The following CLN6 variants were observed in gnomAD, a reference collection of about 807,000 sequenced individuals.
The protein encoded by CLN6 is CLN6 transmembrane ER protein.
A neutral mutation model predicts 33.3 loss-of-function variants in CLN6; 22 were observed. That is an observed-to-expected ratio of 0.66 (90% CI 0.47 to 0.94). CLN6 has a LOEUF of 0.94. Among genes scored for constraint, CLN6 ranks in the 40% least tolerant of loss-of-function variants. The probability of loss-of-function intolerance (pLI) is 0.00; values close to 1 mark genes in which losing one functional copy is unlikely to be tolerated. For synonymous variants in CLN6, 201 were observed against 174.6 expected (o/e 1.15, Z -1.19); for missense variants, 387 against 417.1 (o/e 0.93, Z 0.63).
chr15:68,223,488 C>T (rs1472081833), intron 1 of CLN6, among the ~76,000 whole-genome samples: 1 of 152,114 alleles, frequency 6.6e-6, no homozygotes, highest in East Asian at 1.9e-4. Flanking sequence ...ACCTCCAGGC[C>T]CAGAGAACTT....
upstream of CLN6, among the ~76,000 whole-genome samples, chr15:68,234,353 G>A (rs1411220062): frequency 2.6e-5 from 4 of 152,200 alleles, no homozygotes; most frequent in Admixed American, 2.0e-4. The surrounding 1 kb of genome is among the most constrained non-coding windows in gnomAD (Gnocchi z 4.1). Context: ...ATTCTGATTG[G>A]ATGGCTTGAG....
chr15:68,208,092 T>TGGG lies in CLN6; in HGVS notation c.*47_*48insCCC. ...TACTCCTGTATTCAGATGCCCTCCA[T>TGGG]GGCCCACCCTCCCACCCAGCAGAGC... On this transcript the variant is annotated 3_prime_UTR_variant, in exon 7 of 7. Transcript: ENST00000249806. This position sits in a 1 kb window ranked among gnomAD's most constrained non-coding sequence, Gnocchi z 5.8. 1.2e-5 allele frequency: 18 copies of TGGG among 1,470,012 alleles called. No individual in the cohort carries two copies. The highest frequency in any genetic ancestry group is 1.2e-5 in the Non-Finnish European group (13 of 1,073,070). The allele number at this position is 1,470,012 out of a possible 1,614,324, so 91.1% of individuals were successfully genotyped here.
chr15:68,225,080 G>C (rs968451416), intron 1 of CLN6, among the ~76,000 whole-genome samples: 4 of 152,054 alleles, frequency 2.6e-5, no homozygotes, highest in Non-Finnish European at 2.9e-5. Flanking sequence ...GGGGACCACA[G>C]AGAGACTAAT....
upstream of CLN6, chr15:68,257,175 G>A: frequency 3.5e-6 from 1 of 284,874 alleles, no homozygotes. Flanking sequence ...GAACGCACGC[G>A]CCCGGCGTCG....
intron 1 of CLN6, among the ~76,000 whole-genome samples, chr15:68,245,049 A>AAAAG (rs1555441205): frequency 6.6e-6 from 1 of 150,726 alleles, no homozygotes; most frequent in Non-Finnish European, 1.5e-5. Flanking sequence ...AAAAAAAAAA[A>AAAAG]AGAGAGAGAG....
Position 68,256,561 on chromosome 15 carries a change from T to G in CLN6, c.179+129A>C. On this transcript the variant is annotated intron_variant, in intron 1 of 6. Transcript: ENST00000538696. This position sits in a 1 kb window ranked among gnomAD's most constrained non-coding sequence, Gnocchi z 4.1. The stretch of plus-strand genomic sequence containing the variant: ...TGTATCACAGTATTTGTTATTACAA[T>G]ACTCTCTTTGGGATCCCCACACACG... 3.8e-6 allele frequency: 2 copies of G among 530,668 alleles called. No individual in the cohort carries two copies. Among genetic ancestry groups the G allele is most frequent in the South Asian group, 6.0e-5 (2 of 33,392 alleles). The allele number at this position is 530,668 out of a possible 1,614,324, so 32.9% of individuals were successfully genotyped here.
Position 68,211,510 on chromosome 15 carries a change from A to T in CLN6, c.486+165T>A, listed in dbSNP as rs1023915062. ...GAGGCAGTCTGTGCACCACTTCCTA[A>T]GAACACTTGAGCATCCTAGCTTGGG... On this transcript the variant is annotated intron_variant, in intron 4 of 6. Transcript: ENST00000249806. The surrounding 1 kb of genome is among the most constrained non-coding windows in gnomAD (Gnocchi z 5.9). The T allele has an allele frequency of 6.3e-7, 1 of 1,584,206 alleles. No individual in the cohort carries two copies. Among genetic ancestry groups the T allele is most frequent in the African/African-American group, 1.3e-5 (1 of 74,482 alleles).
chr15:68,214,190 G>T, intron 3 of CLN6, 100 bp downstream of exon 3: 1 of 906,136 alleles, frequency 1.1e-6, no homozygotes, highest in Non-Finnish European at 1.8e-6. Context: ...GCAGCAGGCA[G>T]GAGCGTGCTT....
Position 68,220,788 on chromosome 15 carries a change from G to A in CLN6, c.84-2138C>T, listed in dbSNP as rs117204713. Among the ~76,000 whole-genome samples the A allele has an allele frequency of 0.011, 1,713 of 152,304 alleles. 22 individuals are homozygous for A. Among genetic ancestry groups the A allele is most frequent in the Non-Finnish European group, 0.019 (1,280 of 68,026 alleles). The stretch of plus-strand genomic sequence containing the variant: ...AATAACACACACAATTCAAACCTGG[G>A]TTTATGTTAATTCAAGACCTGTGCT... On this transcript the variant is annotated intron_variant, in intron 1 of 6. Transcript: ENST00000249806. This position sits in a 1 kb window ranked among gnomAD's most constrained non-coding sequence, Gnocchi z 4.2.
intron 3 of CLN6, chr15:68,214,007 A>C (rs2093213373): frequency 5.1e-6 from 2 of 391,898 alleles, no homozygotes; most frequent in Non-Finnish European, 9.8e-6. Context: ...CCTTGTCTTT[A>C]GGTCCTTCTA....
chr15:68,210,461 CAGG>C lies in CLN6; in HGVS notation c.543-705_543-703del, dbSNP rs2093201791. Reference sequence around the variant, plus strand: ...TCCAGGGACCCTGGACCAGCTGAGCCAGGAGGATTGACATCGCAGGGCCCGAAA... The same window carrying C: ...TCCAGGGACCCTGGACCAGCTGAGCCAGGATTGACATCGCAGGGCCCGAAA... On this transcript the variant is annotated intron_variant, in intron 5 of 6. Coordinates refer to ENST00000249806, the MANE Select transcript of CLN6 (RefSeq NM_017882.3). The surrounding 1 kb of genome is among the most constrained non-coding windows in gnomAD (Gnocchi z 5.6). 6.6e-6 allele frequency among the ~76,000 whole-genome samples: 1 copy of C among 152,172 alleles called. No individual in the cohort carries two copies. The highest frequency in any genetic ancestry group is 6.5e-5 in the Admixed American group (1 of 15,278).
chr15:68,211,999 T>C lies in CLN6; in HGVS notation c.298-136A>G. The C allele has an allele frequency of 1.1e-6, 1 of 875,866 alleles. No homozygotes were observed. Among genetic ancestry groups the C allele is most frequent in the Non-Finnish European group, 1.8e-6 (1 of 565,346 alleles). The allele number at this position is 875,866 out of a possible 1,614,324, so 54.3% of individuals were successfully genotyped here. The stretch of plus-strand genomic sequence containing the variant: ...TCACTCCAAAAAGTGGCTGGTCCCT[T>C]TAGCAGGCCAGCCCAGCCTCCAGAT... On this transcript the variant is annotated intron_variant, in intron 3 of 6. Coordinates refer to ENST00000249806, the MANE Select transcript of CLN6 (RefSeq NM_017882.3). This position sits in a 1 kb window ranked among gnomAD's most constrained non-coding sequence, Gnocchi z 5.9.
Position 68,212,237 on chromosome 15 carries a change from C to T in CLN6, c.298-374G>A, listed in dbSNP as rs2093208256. 2.4e-5 allele frequency: 6 copies of T among 245,388 alleles called. No homozygotes were observed. In the South Asian group the frequency reaches 3.9e-4, roughly 16 times the overall value. The allele number at this position is 245,388 out of a possible 1,614,324, so 15.2% of individuals were successfully genotyped here. On this transcript the variant is annotated intron_variant, in intron 3 of 6. Coordinates refer to ENST00000249806, the MANE Select transcript of CLN6 (RefSeq NM_017882.3). The stretch of plus-strand genomic sequence containing the variant: ...TGGCTGTGTCCCTGGGTGGCTGGCC[C>T]AGCCTGCTGAAGGCACCTTCTGATT...
chr15:68,208,094 G>GGGCCCCCCCCCC lies in CLN6; in HGVS notation c.*45_*46insGGGGGGGGGGCC. On this transcript the variant is annotated 3_prime_UTR_variant, in exon 7 of 7. Coordinates refer to ENST00000249806, the MANE Select transcript of CLN6 (RefSeq NM_017882.3). This position sits in a 1 kb window ranked among gnomAD's most constrained non-coding sequence, Gnocchi z 5.8. ...CTCCTGTATTCAGATGCCCTCCATG[G>GGGCCCCCCCCCC]CCCACCCTCCCACCCAGCAGAGCGC... 2.3e-5 allele frequency: 31 copies of GGGCCCCCCCCCC among 1,375,262 alleles called. No individual in the cohort carries two copies. The highest frequency in any genetic ancestry group is 2.9e-5 in the Non-Finnish European group (29 of 992,008). The allele number at this position is 1,375,262 out of a possible 1,614,324, so 85.2% of individuals were successfully genotyped here.
chr15:68,217,492 A>C (rs1451690438), intron 2 of CLN6, among the ~76,000 whole-genome samples: 2 of 152,206 alleles, frequency 1.3e-5, no homozygotes, highest in Admixed American at 1.3e-4. Context: ...AGCTTCCCAA[A>C]GTGCTAGGAT....
At chr15:68,221,967 T>C (rs1488164285) in intron 1 of CLN6, among the ~76,000 whole-genome samples, 1 of 145,138 alleles carries the variant, frequency 6.9e-6, no homozygotes, top group Non-Finnish European at 1.5e-5. Flanking sequence ...GTCTGGGAAG[T>C]GAGGAGCCCC....
chr15:68,207,995 C>T lies in CLN6; in HGVS notation c.*145G>A, dbSNP rs1207365246. ...CATATACAAGACACACACACACACA[C>T]ACACGAATCCACGCACACGAGGCAC... On this transcript the variant is annotated 3_prime_UTR_variant, in exon 7 of 7. Coordinates refer to ENST00000249806, the MANE Select transcript of CLN6 (RefSeq NM_017882.3). The T allele has an allele frequency of 1.9e-5, 15 of 782,132 alleles. No individual in the cohort carries two copies. In the African/African-American group the frequency reaches 2.4e-4, roughly 12 times the overall value. 48.4% of individuals were successfully genotyped at this position (782,132 alleles called of 1,614,324 possible).
At position 68,220,213 on chromosome 15, in the gene CLN6, C is replaced by G. The variant is rs1189853953; in HGVS notation, c.84-1563G>C. Reference sequence around the variant, plus strand: ...CAGCTAAGTCTTCCTGTCCCCTCTACTCGGTATCTTCCACCCCCTCACTGA... The same window carrying G: ...CAGCTAAGTCTTCCTGTCCCCTCTAGTCGGTATCTTCCACCCCCTCACTGA... On this transcript the variant is annotated intron_variant, in intron 1 of 6. Coordinates refer to ENST00000249806, the MANE Select transcript of CLN6 (RefSeq NM_017882.3). The surrounding 1 kb of genome is among the most constrained non-coding windows in gnomAD (Gnocchi z 4.2). Among the ~76,000 whole-genome samples the G allele has an allele frequency of 6.6e-6, 1 of 152,208 alleles. No individual in the cohort carries two copies. Among genetic ancestry groups the G allele is most frequent in the East Asian group, 1.9e-4 (1 of 5,196 alleles).
At chr15:68,240,592 CTCTG>C (rs1892271910) in intron 1 of CLN6, among the ~76,000 whole-genome samples, 1 of 151,980 alleles carries the variant, frequency 6.6e-6, no homozygotes, top group South Asian at 2.1e-4. Context: ...CAGAGCGAGA[CTCTG>C]TCTAAATAAA....
Sources: gnomAD v4.1 joint callset for allele counts (sites outside exome capture counted in the v4.1 genomes callset) on GRCh38, gnomAD v4.1.1 for gene constraint, Gnocchi (gnomAD v3.1) non-coding constraint, MANE v1.5 for transcripts, NCBI Gene and HGNC (gene_info 2026-07-23, HGNC 2026-07-21) for gene names.